CSNK1G1: variants seen among roughly 807,000 people sequenced by gnomAD.
CSNK1G1 encodes casein kinase I isoform gamma-1.
Under a neutral mutation model 59.6 loss-of-function variants are expected in CSNK1G1, and 22 were observed. The ratio of observed to expected loss-of-function variants is 0.37; its 90% CI spans 0.26 to 0.53. The LOEUF (loss-of-function observed/expected upper bound fraction) is 0.53, where lower values mean the gene tolerates loss of function less well. CSNK1G1 is among the 20% of genes least tolerant of loss of function. CSNK1G1 has a pLI of 0.89. For missense variants in CSNK1G1, 384 were observed against 519.5 expected, an observed-to-expected ratio of 0.74 and a Z score of 2.54; for synonymous variants, 179 against 177.1, an observed-to-expected ratio of 1.01 and a Z score of -0.08.
Position 64,204,567 on chromosome 15 carries a change from T to A in CSNK1G1, c.873A>T (p.Arg291=), listed in dbSNP as rs140144967. The change falls in exon 9 of 12, where the codon CGA becomes CGT. Residue 291 remains arginine (R), a synonymous_variant. Coordinates refer to ENST00000303052, the MANE Select transcript of CSNK1G1 (RefSeq NM_022048.5). ...CAAAGAAGTCCAGTCGCCTGACATATCGAAGGTAGGTTGCCATCTCCTCTG... is the reference window on the plus strand; with the variant it reads ...CAAAGAAGTCCAGTCGCCTGACATAACGAAGGTAGGTTGCCATCTCCTCTG... ...NFPEEMATYL[R]YVRRLDFFEK... The A allele has an allele frequency of 6.2e-7, 1 of 1,613,816 alleles. No homozygotes were observed.
At chr15:64,181,136 C>A in intron 10 of CSNK1G1, 1 of 1,461,340 alleles carries the variant, frequency 6.8e-7, no homozygotes, top group Non-Finnish European at 9.0e-7. Flanking sequence ...TCCTCTCCGA[C>A]AAGAGGGAAG....
chr15:64,274,523 T>C (rs1460330268), intron 2 of CSNK1G1, among the ~76,000 whole-genome samples: 1 of 152,226 alleles, frequency 6.6e-6, no homozygotes, highest in Non-Finnish European at 1.5e-5. Flanking sequence ...AAGCTTTTAG[T>C]ATCTGTTGCA....
At chr15:64,190,164 G>A (rs1238318968) in intron 10 of CSNK1G1, among the ~76,000 whole-genome samples, 1 of 152,038 alleles carries the variant, frequency 6.6e-6, no homozygotes, top group African/African-American at 2.4e-5. Context: ...ATATGGACAA[G>A]AGTATTATAA....
intron 1 of CSNK1G1, among the ~76,000 whole-genome samples, chr15:64,309,714 G>C (rs1310318058): frequency 6.6e-6 from 1 of 152,152 alleles, no homozygotes; most frequent in Non-Finnish European, 1.5e-5. Flanking sequence ...TTATCATTGT[G>C]ATCATTGTGA....
intron 1 of CSNK1G1, among the ~76,000 whole-genome samples, chr15:64,329,990 C>T (rs577032849): frequency 6.6e-6 from 1 of 151,518 alleles, no homozygotes; most frequent in Non-Finnish European, 1.5e-5. Flanking sequence ...AGTTGAATCT[C>T]TGAATAGACC....
At chr15:64,219,781 T>C (rs1217300499) in intron 4 of CSNK1G1, among the ~76,000 whole-genome samples, 1 of 149,808 alleles carries the variant, frequency 6.7e-6, no homozygotes. Flanking sequence ...TCTTTTCTTT[T>C]TTTTTTTTTT....
At chr15:64,229,473 G>C (rs1431839941) in intron 4 of CSNK1G1, among the ~76,000 whole-genome samples, 1 of 151,968 alleles carries the variant, frequency 6.6e-6, no homozygotes, top group Non-Finnish European at 1.5e-5. Flanking sequence ...GTCAACTCTA[G>C]GACTTTTGTG....
chr15:64,254,280 A>T (rs1892250384), intron 3 of CSNK1G1, among the ~76,000 whole-genome samples: 1 of 152,026 alleles, frequency 6.6e-6, no homozygotes, highest in African/African-American at 2.4e-5. Flanking sequence ...TCAGTTAGGG[A>T]AGATGAAAAA....
intron 2 of CSNK1G1, among the ~76,000 whole-genome samples, chr15:64,286,541 T>TA (rs1838957225): frequency 1.3e-5 from 2 of 152,218 alleles, no homozygotes; most frequent in Admixed American, 6.5e-5. Flanking sequence ...TTATTTTACT[T>TA]ACTGCATTGC....
At position 64,216,735 on chromosome 15, in the gene CSNK1G1, G is replaced by A. The variant is rs1162914727; in HGVS notation, c.293-22C>T. On this transcript the variant is annotated intron_variant, in intron 4 of 11. Coordinates refer to ENST00000303052, the MANE Select transcript of CSNK1G1 (RefSeq NM_022048.5). This position sits in a 1 kb window ranked among gnomAD's most constrained non-coding sequence, Gnocchi z 4.6. The stretch of plus-strand genomic sequence containing the variant: ...TCACCTGAAAGCAGAGGGGAAATGG[G>A]GGTATACAGTGGGAGACACAAAAGC... 2 of 1,610,126 alleles carry A rather than the reference G, an allele frequency of 1.2e-6. No individual in the cohort carries two copies. Among genetic ancestry groups the A allele is most frequent in the Non-Finnish European group, 8.5e-7 (1 of 1,177,114 alleles).
At chr15:64,181,729 G>A (rs1206881483) in intron 10 of CSNK1G1, 3 of 285,658 alleles carry the variant, frequency 1.1e-5, no homozygotes, top group Non-Finnish European at 2.0e-5. Context: ...GGAGAACAAT[G>A]CTGCTTACCT....
chr15:64,226,409 T>A (rs968170482), intron 4 of CSNK1G1, among the ~76,000 whole-genome samples: 3 of 151,924 alleles, frequency 2.0e-5, no homozygotes, highest in Admixed American at 1.3e-4. Context: ...ATACAAAAAA[T>A]TAGCTGGGCG....
intron 1 of CSNK1G1, among the ~76,000 whole-genome samples, chr15:64,346,746 C>A (rs1014382655): frequency 1.3e-5 from 2 of 152,074 alleles, no homozygotes; most frequent in Admixed American, 6.6e-5. Flanking sequence ...GTGTGAGCCA[C>A]CACACCTGGC....
At chr15:64,255,131 C>A (rs1315956720) in intron 3 of CSNK1G1, among the ~76,000 whole-genome samples, 1 of 152,134 alleles carries the variant, frequency 6.6e-6, no homozygotes, top group Non-Finnish European at 1.5e-5. Flanking sequence ...GGCTGGAGTG[C>A]AATGGCACAA....
At position 64,210,422 on chromosome 15, in the gene CSNK1G1, C is replaced by G. The variant is rs749065031; in HGVS notation, c.680-2828G>C. Among the ~76,000 whole-genome samples the G allele has an allele frequency of 6.6e-6, 1 of 152,160 alleles. No individual in the cohort carries two copies. Among genetic ancestry groups the G allele is most frequent in the African/African-American group, 2.4e-5 (1 of 41,454 alleles). On this transcript the variant is annotated intron_variant, in intron 6 of 11. Transcript: ENST00000303052. The surrounding 1 kb of genome is among the most constrained non-coding windows in gnomAD (Gnocchi z 4.2). ...TTCATACGACTTTGAACACTCCACA[C>G]TTGTCCAATTCATTATTTCTACATG...
At chr15:64,343,726 G>A (rs1478153234) in intron 1 of CSNK1G1, among the ~76,000 whole-genome samples, 1 of 151,042 alleles carries the variant, frequency 6.6e-6, no homozygotes, top group Non-Finnish European at 1.5e-5. Context: ...CGAAATTGAA[G>A]ATATAATCTA....
chr15:64,299,605 T>A (rs897335364), intron 2 of CSNK1G1, among the ~76,000 whole-genome samples: 39 of 150,002 alleles, frequency 2.6e-4, no homozygotes, highest in Middle Eastern at 3.4e-3. Flanking sequence ...AAAAAAAAAA[T>A]TTTATATATA....
intron 4 of CSNK1G1, among the ~76,000 whole-genome samples, chr15:64,248,916 C>T (rs1395455666): frequency 2.6e-5 from 4 of 151,992 alleles, no homozygotes; most frequent in Non-Finnish European, 4.4e-5. Flanking sequence ...GTCAGGAGAT[C>T]GAGACCATCC....
chr15:64,191,882 T>C (rs1198361910), intron 10 of CSNK1G1, among the ~76,000 whole-genome samples: 3 of 152,210 alleles, frequency 2.0e-5, no homozygotes, highest in South Asian at 2.1e-4. Flanking sequence ...AGATGTTAAA[T>C]TCTAGGGCTA....
Sources: allele counts gnomAD v4.1 joint callset (sites outside exome capture counted in the v4.1 genomes callset), GRCh38; gene constraint gnomAD v4.1.1; non-coding constraint Gnocchi (gnomAD v3.1); transcripts MANE v1.5; gene names NCBI Gene and HGNC (gene_info 2026-07-23, HGNC 2026-07-21).